Variants in IL16 observed in about 807,000 individuals in gnomAD.
The protein encoded by IL16 is pro-interleukin-16.
In IL16, 67 loss-of-function variants were observed where a neutral mutation model predicts 110.1. The ratio of observed to expected loss-of-function variants is 0.61; its 90% CI spans 0.50 to 0.75. The LOEUF (loss-of-function observed/expected upper bound fraction) is 0.75, where lower values mean the gene tolerates loss of function less well. Among genes scored for constraint, IL16 ranks in the 30% least tolerant of loss-of-function variants. The pLI, the probability that IL16 is intolerant of heterozygous loss-of-function variation, is 0.00. For synonymous variants in IL16, 689 were observed against 662.9 expected, an observed-to-expected ratio of 1.04 and a Z score of -0.61; for missense variants, 1,545 against 1,655.0, an observed-to-expected ratio of 0.93 and a Z score of 1.15.
At chr15:81,289,070 G>A (rs1002857898) in intron 10 of IL16, among the ~76,000 whole-genome samples, 1 of 152,132 alleles carries the variant, frequency 6.6e-6, no homozygotes, top group African/African-American at 2.4e-5. Context: ...ATTTTCCACA[G>A]TGGCTACACC....
At chr15:81,228,037 A>C (rs983681336) in intron 2 of IL16, among the ~76,000 whole-genome samples, 18 of 152,072 alleles carry the variant, frequency 1.2e-4, no homozygotes, top group African/African-American at 1.9e-4. Context: ...TTGTGCTCTT[A>C]AGGGTGCGCA....
Position 81,299,594 on chromosome 15 carries a change from G to T in IL16, c.2268G>T (p.Gly756=), listed in dbSNP as rs764789658. 91 of 1,614,014 alleles carry T rather than the reference G, an allele frequency of 5.6e-5. No individual in the cohort carries two copies. The highest frequency in any genetic ancestry group is 4.9e-4 in the Middle Eastern group (3 of 6,084). Residue 756 remains glycine (G), a synonymous_variant, in exon 14 of 19, where the codon GGG becomes GGT. Transcript: ENST00000683961. ...AAGGGACACAGGGCCACCCAGATGG[G>T]ACCCCACCAAAGCTGGACACCGCCA... The part of the protein sequence containing the change: ...EEEGTQGHPD[G]TPPKLDTANG...
chr15:81,283,768 G>A (rs1451758998), intron 9 of IL16, among the ~76,000 whole-genome samples: 1 of 152,164 alleles, frequency 6.6e-6, no homozygotes, highest in Admixed American at 6.5e-5. Flanking sequence ...CGCTTTGGGA[G>A]GCTGAGGCGA....
chr15:81,216,646 TAGCAGCAGC>T (rs6145652), intron 1 of IL16, among the ~76,000 whole-genome samples: 24,647 of 151,294 alleles, frequency 0.16, 4,587 homozygotes, highest in African/African-American at 0.46. Flanking sequence ...CTGTCTGTCT[TAGCAGCAGC>T]AGCAGCAGCA....
chr15:81,229,593 G>A (rs914664633), intron 2 of IL16, among the ~76,000 whole-genome samples: 1 of 152,152 alleles, frequency 6.6e-6, no homozygotes, highest in African/African-American at 2.4e-5. Flanking sequence ...TTGTAAGCAA[G>A]GGAGGGTTTC....
rs545803934 is a variant in IL16 at position 81,217,672 on chromosome 15, G to A, written c.-101-7627G>A. ...AATCCAGTTATCTATTGAAAGAGAC[G>A]CACACTGTGATCTAATGGGACTTAA... On this transcript the variant is annotated intron_variant, in intron 1 of 18. Coordinates refer to ENST00000683961, the MANE Select transcript of IL16 (RefSeq NM_172217.5). Among the ~76,000 whole-genome samples the A allele has an allele frequency of 1.3e-4, 20 of 152,222 alleles. No individual in the cohort carries two copies. In the South Asian group the frequency reaches 2.9e-3, roughly 22 times the overall value.
At chr15:81,291,140 G>A (rs7171517) in intron 11 of IL16, among the ~76,000 whole-genome samples, 22,661 of 152,124 alleles carry the variant, frequency 0.15, 1,832 homozygotes, top group East Asian at 0.3. Context: ...CATTAATCAC[G>A]TCTACCATGG....
At chr15:81,261,360 C>T (rs960194574) in intron 3 of IL16, among the ~76,000 whole-genome samples, 1 of 152,170 alleles carries the variant, frequency 6.6e-6, no homozygotes, top group Non-Finnish European at 1.5e-5. Flanking sequence ...CTCCCTGGCT[C>T]CCTGGCATCC....
At chr15:81,276,650 T>C (rs1011739729) in intron 6 of IL16, among the ~76,000 whole-genome samples, 7 of 152,364 alleles carry the variant, frequency 4.6e-5, no homozygotes, top group African/African-American at 1.7e-4. Flanking sequence ...GTGTCATATA[T>C]GGGCATGCAG....
intron 5 of IL16, among the ~76,000 whole-genome samples, chr15:81,271,230 A>G (rs950622319): frequency 2.0e-5 from 3 of 152,120 alleles, no homozygotes; most frequent in African/African-American, 7.2e-5. Flanking sequence ...CAGCCTGGGT[A>G]ACATAGTAAG....
At chr15:81,199,899 C>T (rs1895747300) in intron 1 of IL16, among the ~76,000 whole-genome samples, 2 of 152,122 alleles carry the variant, frequency 1.3e-5, no homozygotes, top group Admixed American at 6.6e-5. Flanking sequence ...TGAGCAAATG[C>T]GGCAAAATCA....
rs1004355250 is a variant in IL16, at chr15:81,293,155, G to A, written c.1902+118G>A. ...AATGAAAGTTTCTCCTGCTCCACCA[G>A]AGAGAAACTGTTGCCTAGGACTCAG... On this transcript the variant is annotated intron_variant, in intron 12 of 18. Transcript: ENST00000683961. 62 of 1,108,954 alleles carry A rather than the reference G, an allele frequency of 5.6e-5. No homozygotes were observed. The Middle Eastern group carries it at 1.5e-3, about 27-fold the overall frequency. 68.7% of individuals were successfully genotyped at this position (1,108,954 alleles called of 1,614,324 possible). A position where few individuals can be genotyped will look rare whatever the true frequency, so the allele number is the denominator to read the frequency against.
chr15:81,301,489 G>T lies in IL16; in HGVS notation c.3295G>T (p.Val1099Phe). 1 of 1,613,300 alleles carries T rather than the reference G, an allele frequency of 6.2e-7. No homozygotes were observed. ...ELKKLIEEVK[V>F]LDEATLKQLD... ...AAAAAAACTCATCGAGGAGGTGAAG[G>T]TTCTGGATGAAGCAACATTAAAGGT... The change falls in exon 15 of 19, where the codon GTT (valine) becomes TTT (phenylalanine). Residue 1099 changes from valine to phenylalanine, a missense_variant. This residue lies in a region of IL16 where 356 missense variants were observed against 399.3 expected (regional missense o/e 0.89). Coordinates refer to ENST00000683961, the MANE Select transcript of IL16 (RefSeq NM_172217.5).
chr15:81,300,748 G>A (rs1900242817), intron 14 of IL16, among the ~76,000 whole-genome samples: 1 of 152,120 alleles, frequency 6.6e-6, no homozygotes, highest in Non-Finnish European at 1.5e-5. Context: ...CTGGCTCCCT[G>A]GTGAATTGCT....
At chr15:81,274,498 G>T (rs1596019888) in intron 6 of IL16, among the ~76,000 whole-genome samples, 1 of 152,108 alleles carries the variant, frequency 6.6e-6, no homozygotes, top group Non-Finnish European at 1.5e-5. Context: ...TGCCCAGCTA[G>T]AAAAAGAAAC....
intron 1 of IL16, among the ~76,000 whole-genome samples, chr15:81,203,033 GAT>G (rs1442903711): frequency 2.0e-5 from 3 of 151,952 alleles, no homozygotes; most frequent in Non-Finnish European, 4.4e-5. Flanking sequence ...GGTGTGAGAT[GAT>G]ATCTCATTGT....
At chr15:81,282,843 A>T in intron 9 of IL16, 87 bp downstream of exon 9, 5 of 1,039,604 alleles carry the variant, frequency 4.8e-6, no homozygotes, top group Non-Finnish European at 7.5e-6. Context: ...TGATTTGGAC[A>T]TGAGCTATAA....
At chr15:81,218,297 A>G (rs1238016721) in intron 1 of IL16, among the ~76,000 whole-genome samples, 2 of 152,206 alleles carry the variant, frequency 1.3e-5, no homozygotes, top group African/African-American at 4.8e-5. Flanking sequence ...AATTAAAAAT[A>G]TTTAGAGCCC....
intron 1 of IL16, among the ~76,000 whole-genome samples, chr15:81,185,061 G>A (rs894832387): frequency 6.6e-6 from 1 of 152,180 alleles, no homozygotes; most frequent in Non-Finnish European, 1.5e-5. Context: ...CCTGTGGGAA[G>A]CAGAGGGAGG....
Sources: allele counts gnomAD v4.1 joint callset (sites outside exome capture counted in the v4.1 genomes callset), GRCh38; gene constraint gnomAD v4.1.1; regional missense constraint gnomAD v4.1.1; transcripts MANE v1.5; gene names NCBI Gene and HGNC (gene_info 2026-07-23, HGNC 2026-07-21).